IFT56: variants seen among roughly 807,000 people sequenced by gnomAD.
IFT56 encodes intraflagellar transport protein 56.
the IFT56 span, among the ~76,000 whole-genome samples, chr7:139,175,227 G>C: frequency 6.6e-6 from 1 of 152,042 alleles, no homozygotes; most frequent in Non-Finnish European, 1.5e-5. Context: ...TTCGTACACT[G>C]TAAATTAGCA....
At chr7:139,179,534 G>C in the IFT56 span, 26 of 1,566,990 alleles carry the variant, frequency 1.7e-5, 1 homozygote, top group Non-Finnish European at 2.1e-5. Context: ...TATTGCAAAA[G>C]CATCCTCATG....
At chr7:139,177,117 A>G in the IFT56 span, among the ~76,000 whole-genome samples, 1 of 151,412 alleles carries the variant, frequency 6.6e-6, no homozygotes, top group South Asian at 2.1e-4. Flanking sequence ...GGTTGCAGTG[A>G]GCCAAGATCG....
the IFT56 span, chr7:139,142,290 C>CA: frequency 6.2e-7 from 1 of 1,613,906 alleles, no homozygotes. Flanking sequence ...GCCTCCTCTT[C>CA]CACTTGGCTC....
At chr7:139,185,017 G>A in the IFT56 span, among the ~76,000 whole-genome samples, 1 of 149,072 alleles carries the variant, frequency 6.7e-6, no homozygotes, top group Non-Finnish European at 1.5e-5. Context: ...TCGCGCCACT[G>A]CACTCCAGCC....
the IFT56 span, among the ~76,000 whole-genome samples, chr7:139,134,443 G>A: frequency 6.6e-6 from 1 of 151,950 alleles, no homozygotes; most frequent in African/African-American, 2.4e-5. Context: ...GCTAATTTTT[G>A]TATTTTTAGT....
the IFT56 span, chr7:139,137,906 C>T: frequency 5.0e-6 from 8 of 1,613,372 alleles, no homozygotes; most frequent in Non-Finnish European, 6.8e-6. Context: ...GATATTGTGC[C>T]TTTCACCTGG....
chr7:139,154,351 T>C, the IFT56 span, among the ~76,000 whole-genome samples: 1 of 143,108 alleles, frequency 7.0e-6, no homozygotes, highest in South Asian at 2.2e-4. Flanking sequence ...GTCAAAGTTA[T>C]CCTTTTTTTT....
chr7:139,166,871 G>A, the IFT56 span: 1 of 1,584,238 alleles, frequency 6.3e-7, no homozygotes. Context: ...ACTTAATTAA[G>A]GATCTGGAAC....
the IFT56 span, among the ~76,000 whole-genome samples, chr7:139,185,473 A>G: frequency 6.6e-6 from 1 of 152,096 alleles, no homozygotes; most frequent in African/African-American, 2.4e-5. Context: ...TGAATCAACT[A>G]GAGCTATATA....
At chr7:139,169,161 G>A in the IFT56 span, 8 of 765,236 alleles carry the variant, frequency 1.0e-5, no homozygotes, top group South Asian at 1.2e-4. Context: ...ATGAGAATTA[G>A]TATTGTTTGG....
At chr7:139,178,598 G>A in the IFT56 span, 1 of 1,613,610 alleles carries the variant, frequency 6.2e-7, no homozygotes, top group African/African-American at 1.3e-5. Context: ...AGGGCGAAGA[G>A]GTGGGTATCT....
chr7:139,173,197 A>C, the IFT56 span: 3 of 530,592 alleles, frequency 5.7e-6, no homozygotes, highest in South Asian at 3.0e-5. Flanking sequence ...ACTTTCCTTA[A>C]TTGGAAAAAA....
chr7:139,166,775 G>C, the IFT56 span: 373 of 838,704 alleles, frequency 4.4e-4, 3 homozygotes, highest in East Asian at 8.3e-3. Flanking sequence ...CTTATCTTTT[G>C]GGAGGACTGC....
the IFT56 span, chr7:139,187,644 A>G: frequency 1.5e-6 from 2 of 1,358,154 alleles, no homozygotes; most frequent in Non-Finnish European, 2.0e-6. Flanking sequence ...GATTATAATG[A>G]TGTTTTAGAA....
chr7:139,133,808 T>A, the IFT56 span: 7 of 1,613,980 alleles, frequency 4.3e-6, no homozygotes, highest in Non-Finnish European at 5.9e-6. Flanking sequence ...GGCGAAACGC[T>A]GAGGCGCGGC....
chr7:139,148,095 C>A, the IFT56 span: 1 of 938,068 alleles, frequency 1.1e-6, no homozygotes, highest in Non-Finnish European at 1.6e-6. Context: ...CCTCTTTCTT[C>A]ATAAGGCAGG....
the IFT56 span, among the ~76,000 whole-genome samples, chr7:139,166,358 A>G: frequency 6.6e-6 from 1 of 152,114 alleles, no homozygotes; most frequent in Non-Finnish European, 1.5e-5. Context: ...AATTTCAAAC[A>G]TAGACAAAAA....
At chr7:139,157,708 A>G in the IFT56 span, among the ~76,000 whole-genome samples, 2 of 151,408 alleles carry the variant, frequency 1.3e-5, no homozygotes, top group East Asian at 2.0e-4. Context: ...GTCTCACTAC[A>G]TTGCTAAGGT....
the IFT56 span, among the ~76,000 whole-genome samples, chr7:139,175,985 C>T: frequency 1.3e-5 from 2 of 151,694 alleles, no homozygotes; most frequent in African/African-American, 2.4e-5. Flanking sequence ...GCCCGCACCA[C>T]GCCCGGTATT....
Sources: allele counts gnomAD v4.1 joint callset (sites outside exome capture counted in the v4.1 genomes callset), GRCh38; gene constraint gnomAD v4.1.1; transcripts MANE v1.5; gene names NCBI Gene and HGNC (gene_info 2026-07-23, HGNC 2026-07-21).